Variants in RNF111 observed in about 807,000 individuals in gnomAD.
RNF111 encodes the protein ring finger protein 111.
Under a neutral mutation model 95.1 loss-of-function variants are expected in RNF111, and 17 were observed. The observed-to-expected ratio is 0.18, with a 90% confidence interval of 0.12 to 0.27. The LOEUF (loss-of-function observed/expected upper bound fraction) is 0.27. Ranked by LOEUF, RNF111 falls within the 10% of genes least tolerant of loss-of-function variation. The probability of loss-of-function intolerance (pLI) is 1.00; values close to 1 mark genes in which losing one functional copy is unlikely to be tolerated. For synonymous variants in RNF111, 440 were observed against 414.8 expected, an observed-to-expected ratio of 1.06 and a Z score of -0.74; for missense variants, 1,189 against 1,210.4, an observed-to-expected ratio of 0.98 and a Z score of 0.26.
chr15:59,063,086 G>A (rs2042509994), intron 5 of RNF111, among the ~76,000 whole-genome samples: 1 of 152,218 alleles, frequency 6.6e-6, no homozygotes, highest in South Asian at 2.1e-4. Context: ...CATGCTTGAT[G>A]ATGAGCTTCC....
chr15:58,989,895 T>C (rs1048285919), intron 1 of RNF111, among the ~76,000 whole-genome samples: 1 of 152,100 alleles, frequency 6.6e-6, no homozygotes, highest in Non-Finnish European at 1.5e-5. Context: ...TGTTATAGTT[T>C]AAAGAGAGGT....
At chr15:58,996,055 CTTA>C (rs1447616537) in intron 1 of RNF111, among the ~76,000 whole-genome samples, 1 of 152,010 alleles carries the variant, frequency 6.6e-6, no homozygotes, top group Non-Finnish European at 1.5e-5. Context: ...GACTCAGCAA[CTTA>C]TTGTCATAAA....
intron 1 of RNF111, among the ~76,000 whole-genome samples, chr15:59,019,853 G>T (rs897871647): frequency 6.6e-6 from 1 of 151,984 alleles, no homozygotes. Context: ...TAGCTGCTCG[G>T]GAGGCTGAGG....
chr15:59,073,753 C>T (rs1413084188), intron 6 of RNF111, among the ~76,000 whole-genome samples: 2 of 152,192 alleles, frequency 1.3e-5, no homozygotes, highest in Admixed American at 6.5e-5. Context: ...TTCTTAATGA[C>T]ATCTAGAATG....
At chr15:59,004,151 C>A (rs2039439638) in intron 1 of RNF111, 1 of 1,211,446 alleles carries the variant, frequency 8.3e-7, no homozygotes, top group South Asian at 1.5e-5. Context: ...TCATAGATGG[C>A]AGTTCTGGAT....
chr15:59,020,557 C>A (rs1173074374), intron 1 of RNF111, among the ~76,000 whole-genome samples: 1 of 152,098 alleles, frequency 6.6e-6, no homozygotes, highest in Non-Finnish European at 1.5e-5. Flanking sequence ...TGAACTTCAC[C>A]CAGTTTGTAT....
chr15:59,014,722 G>T (rs2039986778), intron 1 of RNF111, among the ~76,000 whole-genome samples: 1 of 151,720 alleles, frequency 6.6e-6, no homozygotes, highest in Non-Finnish European at 1.5e-5. Context: ...GAACAAAGAG[G>T]TGTATGTGAA....
rs2079150435 is a variant in RNF111 at position 59,094,848 on chromosome 15, A to T, written c.2909A>T (p.Lys970Met). Residue 970 changes from lysine (K) to methionine (M), a missense_variant, in exon 14 of 14, where the codon AAG (lysine) becomes ATG (methionine). Physicochemically the swap from Lys to Met is moderately conservative, Grantham distance 95. This residue lies in a region of RNF111 where 165 missense variants were observed against 284.6 expected (regional missense o/e 0.58). Transcript: ENST00000348370. ...GACCAATGGTTGATTACCAATAAGA[A>T]GTGCCCCATATGCAGAGTGGACATT... The part of the protein sequence containing the change: ...CVDQWLITNK[K>M]CPICRVDIEA... 3 of 1,613,518 alleles carry T rather than the reference A, an allele frequency of 1.9e-6. No homozygotes were observed. Among genetic ancestry groups the T allele is most frequent in the Non-Finnish European group, 2.5e-6 (3 of 1,179,578 alleles).
chr15:59,002,861 A>G (rs2039384682), intron 1 of RNF111, among the ~76,000 whole-genome samples: 1 of 152,098 alleles, frequency 6.6e-6, no homozygotes, highest in South Asian at 2.1e-4. Flanking sequence ...CTCTCCCAGG[A>G]ATACTCTTCC....
In RNF111 at chr15:58,996,113, GTTC is replaced by G. The variant is rs571926675; in HGVS notation, c.-20+8048_-20+8050del. ...CTTTTTCAAATACATAATGAGTTAT[GTTC>G]TTAATTGTGATCATATGAAATGAGA... On this transcript the variant is annotated intron_variant, in intron 1 of 13. Coordinates refer to ENST00000348370, the MANE Select transcript of RNF111 (RefSeq NM_017610.8). Among the ~76,000 whole-genome samples, 39 of 151,864 alleles carry G rather than the reference GTTC, an allele frequency of 2.6e-4. No individual in the cohort carries two copies. In the South Asian group the frequency reaches 5.6e-3, roughly 22 times the overall value.
At chr15:59,038,556 T>C (rs1183851078) in intron 2 of RNF111, among the ~76,000 whole-genome samples, 2 of 152,220 alleles carry the variant, frequency 1.3e-5, no homozygotes, top group Non-Finnish European at 2.9e-5. Flanking sequence ...AAATATGCAA[T>C]GAACTCCCAT....
At chr15:59,093,266 A>C in intron 13 of RNF111, 1 of 329,518 alleles carries the variant, frequency 3.0e-6, no homozygotes, top group Middle Eastern at 1.1e-3. Flanking sequence ...GAGGTCCTAG[A>C]AAGTTATAAT....
chr15:59,024,879 T>C (rs533476744), intron 1 of RNF111, among the ~76,000 whole-genome samples: 2 of 152,350 alleles, frequency 1.3e-5, no homozygotes, highest in Admixed American at 1.3e-4. Flanking sequence ...TTTCTGTCTA[T>C]GAATTTGACT....
intron 1 of RNF111, among the ~76,000 whole-genome samples, chr15:58,993,462 C>T (rs1327643803): frequency 6.6e-6 from 1 of 152,096 alleles, no homozygotes; most frequent in Non-Finnish European, 1.5e-5. Context: ...TGCTTGAACC[C>T]AGGAGGTGGA....
intron 1 of RNF111, among the ~76,000 whole-genome samples, chr15:59,009,145 A>G (rs758164851): frequency 2.0e-5 from 3 of 151,968 alleles, no homozygotes; most frequent in Non-Finnish European, 4.4e-5. Context: ...TTTTTAGTAG[A>G]GATGGGGTTT....
intron 1 of RNF111, among the ~76,000 whole-genome samples, chr15:59,021,244 G>A (rs796986757): frequency 1.3e-5 from 2 of 152,254 alleles, no homozygotes; most frequent in African/African-American, 4.8e-5. Context: ...TCCGCCTCGT[G>A]AGTTCAAGTG....
chr15:59,064,902 C>A (rs2042592508), intron 5 of RNF111, among the ~76,000 whole-genome samples: 1 of 152,016 alleles, frequency 6.6e-6, no homozygotes, highest in Admixed American at 6.6e-5. Flanking sequence ...CTGAATCTTA[C>A]CAAGCAGAGC....
At chr15:59,044,061 G>A (rs1186506585) in intron 2 of RNF111, among the ~76,000 whole-genome samples, 3 of 151,846 alleles carry the variant, frequency 2.0e-5, no homozygotes, top group Admixed American at 6.6e-5. Context: ...ACAGAGTTTC[G>A]CTTTTGCCGC....
chr15:59,026,945 T>C (rs2040642500), intron 1 of RNF111, among the ~76,000 whole-genome samples: 1 of 152,152 alleles, frequency 6.6e-6, no homozygotes, highest in Non-Finnish European at 1.5e-5. Flanking sequence ...CTTGTCTCAT[T>C]GGACAGACTA....
Sources: allele counts gnomAD v4.1 joint callset (sites outside exome capture counted in the v4.1 genomes callset), GRCh38; gene constraint gnomAD v4.1.1; regional missense constraint gnomAD v4.1.1; transcripts MANE v1.5; gene names NCBI Gene and HGNC (gene_info 2026-07-23, HGNC 2026-07-21).